Variants in KCNQ5 observed in about 807,000 individuals in gnomAD.
KCNQ5 encodes the protein potassium voltage-gated channel subfamily Q member 5.
A neutral mutation model predicts 98.2 loss-of-function variants in KCNQ5; 30 were observed. That is an observed-to-expected ratio of 0.31 (90% CI 0.23 to 0.41). The LOEUF is 0.41. Among genes scored for constraint, KCNQ5 ranks in the 10% least tolerant of loss-of-function variants. The probability of loss-of-function intolerance (pLI) is 1.00; values close to 1 mark genes in which losing one functional copy is unlikely to be tolerated. For missense variants in KCNQ5, 835 were observed against 1,182.5 expected (o/e 0.71, Z 4.31); for synonymous variants, 458 against 449.4 (o/e 1.02, Z -0.24).
At chr6:73,141,639 C>T (rs1776715288) in intron 10 of KCNQ5, among the ~76,000 whole-genome samples, 1 of 152,124 alleles carries the variant, frequency 6.6e-6, no homozygotes, top group Non-Finnish European at 1.5e-5. Flanking sequence ...ATTTCATCTC[C>T]TCCCTTCCAG....
intron 2 of KCNQ5, among the ~76,000 whole-genome samples, chr6:73,026,193 C>G (rs926286053): frequency 4.6e-5 from 7 of 152,178 alleles, no homozygotes; most frequent in Admixed American, 4.6e-4. Context: ...AACTTCTGCC[C>G]AAGGCCTTTG....
intron 1 of KCNQ5, among the ~76,000 whole-genome samples, chr6:72,738,007 T>G (rs753633331): frequency 8.6e-5 from 13 of 150,792 alleles, no homozygotes; most frequent in Non-Finnish European, 1.5e-4. Flanking sequence ...TACAAAAAAT[T>G]AGCCGGGCGT....
At chr6:72,920,264 C>A (rs1025487252) in intron 1 of KCNQ5, among the ~76,000 whole-genome samples, 1 of 152,080 alleles carries the variant, frequency 6.6e-6, no homozygotes, top group Admixed American at 6.6e-5. Flanking sequence ...TGCACTCCAG[C>A]CTGGACAACA....
intron 1 of KCNQ5, among the ~76,000 whole-genome samples, chr6:72,858,971 C>T (rs1005246639): frequency 6.6e-6 from 1 of 152,086 alleles, no homozygotes; most frequent in Non-Finnish European, 1.5e-5. Flanking sequence ...TACACAGAAG[C>T]TTTCGATGCT....
rs528071470 is a variant in KCNQ5, at chr6:72,736,290, T to C, written c.398+113703T>C. 9.9e-5 allele frequency among the ~76,000 whole-genome samples: 15 copies of C among 152,188 alleles called. No individual in the cohort carries two copies. The South Asian group carries it at 3.1e-3, about 32-fold the overall frequency. ...ATAATTTTAGCAGTGTTATGTATGA[T>C]ATTAAAAAGTGGCAGCAATCTCAAT... is the stretch of plus-strand genomic sequence containing the variant. On this transcript the variant is annotated intron_variant, in intron 1 of 13. Transcript: ENST00000370398.
chr6:73,119,551 C>T (rs1775658226), intron 7 of KCNQ5, among the ~76,000 whole-genome samples: 1 of 152,166 alleles, frequency 6.6e-6, no homozygotes, highest in Admixed American at 6.5e-5. Context: ...AGCTATACAC[C>T]TAGAGAGTAC....
chr6:72,793,321 A>C (rs1009157240), intron 1 of KCNQ5, among the ~76,000 whole-genome samples: 12 of 152,088 alleles, frequency 7.9e-5, no homozygotes, highest in Non-Finnish European at 1.5e-4. Flanking sequence ...CACCATTTCA[A>C]AAAAAAATCA....
At chr6:73,075,463 C>T (rs189336701) in intron 3 of KCNQ5, among the ~76,000 whole-genome samples, 5 of 152,236 alleles carry the variant, frequency 3.3e-5, no homozygotes, top group East Asian at 1.9e-4. Flanking sequence ...CCTCATGATC[C>T]GCCCACCTTG....
intron 1 of KCNQ5, among the ~76,000 whole-genome samples, chr6:72,841,237 A>G (rs1013286456): frequency 1.3e-5 from 2 of 152,072 alleles, no homozygotes; most frequent in Admixed American, 1.3e-4. Flanking sequence ...CATTACCACT[A>G]TTTTGACTAT....
intron 1 of KCNQ5, among the ~76,000 whole-genome samples, chr6:72,901,212 T>G (rs1044243099): frequency 6.7e-6 from 1 of 149,132 alleles, no homozygotes; most frequent in Non-Finnish European, 1.5e-5. Flanking sequence ...TTATTTTTCT[T>G]GCTGATTTAT....
chr6:72,743,887 T>G (rs902255558), intron 1 of KCNQ5, among the ~76,000 whole-genome samples: 6 of 152,224 alleles, frequency 3.9e-5, no homozygotes, highest in Non-Finnish European at 7.4e-5. Flanking sequence ...TGCAGTAACA[T>G]AAGAAAAACA....
chr6:72,950,073 C>T (rs1274881128), intron 1 of KCNQ5, among the ~76,000 whole-genome samples: 1 of 152,118 alleles, frequency 6.6e-6, no homozygotes, highest in Non-Finnish European at 1.5e-5. Flanking sequence ...TAGTATATCA[C>T]AGAAATTTCT....
At chr6:72,921,455 G>A (rs908267506) in intron 1 of KCNQ5, among the ~76,000 whole-genome samples, 2 of 152,166 alleles carry the variant, frequency 1.3e-5, no homozygotes, top group East Asian at 1.9e-4. Flanking sequence ...AAAGCCCAAG[G>A]ATGTAGTGAG....
intron 1 of KCNQ5, among the ~76,000 whole-genome samples, chr6:72,784,092 A>G (rs1773618867): frequency 6.6e-6 from 1 of 152,174 alleles, no homozygotes; most frequent in African/African-American, 2.4e-5. Context: ...CTCTGGTGGC[A>G]ATCTCATCCC....
chr6:73,139,540 T>C (rs1776620470), intron 10 of KCNQ5, among the ~76,000 whole-genome samples: 1 of 152,200 alleles, frequency 6.6e-6, no homozygotes, highest in East Asian at 1.9e-4. Context: ...CTATATGTCA[T>C]TTCTGTTCCT....
intron 5 of KCNQ5, among the ~76,000 whole-genome samples, chr6:73,085,179 G>C (rs1773931982): frequency 6.6e-6 from 1 of 152,190 alleles, no homozygotes; most frequent in Non-Finnish European, 1.5e-5. Context: ...AAGCAGATGG[G>C]TCAGGGTGAA....
chr6:72,930,826 T>A (rs914695117), intron 1 of KCNQ5, among the ~76,000 whole-genome samples: 1 of 152,130 alleles, frequency 6.6e-6, no homozygotes, highest in South Asian at 2.1e-4. Context: ...GAGTAAACCA[T>A]TGGTTTACTT....
intron 1 of KCNQ5, among the ~76,000 whole-genome samples, chr6:72,792,065 C>A (rs933355299): frequency 2.0e-5 from 3 of 152,146 alleles, no homozygotes; most frequent in Non-Finnish European, 4.4e-5. Context: ...CTTTGGATGC[C>A]ATGAGTGTAA....
intron 1 of KCNQ5, among the ~76,000 whole-genome samples, chr6:72,749,588 C>T (rs1476690421): frequency 2.0e-5 from 3 of 152,108 alleles, no homozygotes; most frequent in African/African-American, 7.2e-5. Flanking sequence ...TTTTATCTCT[C>T]CTGCCATGCT....
Sources: gnomAD v4.1 joint callset for allele counts (sites outside exome capture counted in the v4.1 genomes callset) on GRCh38, gnomAD v4.1.1 for gene constraint, MANE v1.5 for transcripts, NCBI Gene and HGNC (gene_info 2026-07-23, HGNC 2026-07-21) for gene names.